The following LRP1B variants were observed in gnomAD, a reference collection of about 807,000 sequenced individuals.
LRP1B encodes low-density lipoprotein receptor-related protein 1B.
A neutral mutation model predicts 556.6 loss-of-function variants in LRP1B; 217 were observed. The ratio of observed to expected loss-of-function variants is 0.39; its 90% confidence interval spans 0.35 to 0.44. The LOEUF (loss-of-function observed/expected upper bound fraction) is 0.44. Ranked by LOEUF, LRP1B falls within the 20% of genes least tolerant of loss-of-function variation. LRP1B has a pLI of 1.00. For synonymous variants in LRP1B, 2,047 were observed against 1,865.8 expected (o/e 1.10, Z -2.50); for missense variants, 5,053 against 5,620.8 (o/e 0.90, Z 3.23).
rs144375723 is a variant in LRP1B at position 140,759,366 on chromosome 2, A to G, written c.5758+9847T>C. 1.9e-3 allele frequency among the ~76,000 whole-genome samples: 287 copies of G among 152,324 alleles called. 1 individual carries two copies. Among genetic ancestry groups the G allele is most frequent in the African/African-American group, 6.6e-3 (275 of 41,572 alleles). On this transcript the variant is annotated intron_variant, in intron 35 of 90. Coordinates refer to ENST00000389484, the MANE Select transcript of LRP1B (RefSeq NM_018557.3). ...CTAGAATTTTATACTAGACGCTGAC[A>G]ATCAAGTTATATTTCTGGTTCCACT...
At chr2:141,789,082 A>T (rs1244898593) in intron 2 of LRP1B, among the ~76,000 whole-genome samples, 2 of 151,978 alleles carry the variant, frequency 1.3e-5, no homozygotes, top group African/African-American at 4.8e-5. Flanking sequence ...TGGTGTTTCT[A>T]GTTCTAGATC....
Position 141,129,382 on chromosome 2 carries a change from T to C in LRP1B, c.1013+59039A>G, listed in dbSNP as rs139507407. On this transcript the variant is annotated intron_variant, in intron 7 of 90. Transcript: ENST00000389484. Reference sequence around the variant, plus strand: ...TCAAGCTCAGAAAGATAAACAGATATGTAAAAAAATTATAAAAATCTTTTG... The same window carrying C: ...TCAAGCTCAGAAAGATAAACAGATACGTAAAAAAATTATAAAAATCTTTTG... Among the ~76,000 whole-genome samples, 108 of 152,178 alleles carry C rather than the reference T, an allele frequency of 7.1e-4. 1 individual carries two copies. Among genetic ancestry groups the C allele is most frequent in the African/African-American group, 2.1e-3 (89 of 41,548 alleles).
At chr2:140,284,301 TC>T (rs1278958800) in intron 84 of LRP1B, among the ~76,000 whole-genome samples, 5 of 99,518 alleles carry the variant, frequency 5.0e-5, no homozygotes, top group African/African-American at 1.1e-4. Flanking sequence ...CTTCCCCCCC[TC>T]CCCCCCAAAA....
At chr2:140,717,819 G>A (rs534545068) in intron 35 of LRP1B, among the ~76,000 whole-genome samples, 1 of 152,068 alleles carries the variant, frequency 6.6e-6, no homozygotes, top group Non-Finnish European at 1.5e-5. Context: ...TTGAGGTTCT[G>A]TTTCAAATGA....
chr2:141,361,908 A>G (rs900954042), intron 3 of LRP1B, among the ~76,000 whole-genome samples: 7 of 152,184 alleles, frequency 4.6e-5, no homozygotes, highest in Non-Finnish European at 1.0e-4. Context: ...GAACCCTAGT[A>G]CACTATCCTT....
chr2:141,226,346 T>C (rs1683249086), intron 6 of LRP1B, among the ~76,000 whole-genome samples: 1 of 152,136 alleles, frequency 6.6e-6, no homozygotes, highest in South Asian at 2.1e-4. Flanking sequence ...GAAGGGCATA[T>C]CTCTCCTGCT....
At chr2:142,092,334 T>C (rs910416121) in intron 1 of LRP1B, among the ~76,000 whole-genome samples, 27 of 81,714 alleles carry the variant, frequency 3.3e-4, no homozygotes, top group African/African-American at 1.1e-3. Context: ...AATTGCTAGT[T>C]TTTGGATTTT....
chr2:141,147,444 G>C (rs1359148088), intron 7 of LRP1B, among the ~76,000 whole-genome samples: 1 of 152,108 alleles, frequency 6.6e-6, no homozygotes, highest in African/African-American at 2.4e-5. Flanking sequence ...TACATAATTT[G>C]TTTATATTCA....
At chr2:141,974,796 G>T (rs550392570) in intron 1 of LRP1B, among the ~76,000 whole-genome samples, 1 of 152,010 alleles carries the variant, frequency 6.6e-6, no homozygotes, top group Non-Finnish European at 1.5e-5. Flanking sequence ...AATTTGAAAT[G>T]ACAGATATTA....
chr2:141,138,470 G>A (rs576359706), intron 7 of LRP1B, among the ~76,000 whole-genome samples: 1 of 151,992 alleles, frequency 6.6e-6, no homozygotes, highest in East Asian at 1.9e-4. Context: ...TAGAAAAGAA[G>A]TGATTTTCAG....
At chr2:141,116,204 T>G (rs1329675108) in intron 7 of LRP1B, among the ~76,000 whole-genome samples, 7 of 152,180 alleles carry the variant, frequency 4.6e-5, no homozygotes, top group Non-Finnish European at 1.0e-4. Context: ...ATTACAGTGA[T>G]TTGTTATTAT....
intron 41 of LRP1B, among the ~76,000 whole-genome samples, chr2:140,608,826 G>A (rs1559002311): frequency 6.6e-6 from 1 of 151,730 alleles, no homozygotes; most frequent in African/African-American, 2.4e-5. Context: ...ACAGTGATTT[G>A]TTTCTTTGTT....
chr2:140,279,859 G>A (rs188423223), intron 84 of LRP1B, among the ~76,000 whole-genome samples: 17 of 151,898 alleles, frequency 1.1e-4, no homozygotes, highest in African/African-American at 2.9e-4. Context: ...CCATCGAGGT[G>A]ACTACTTTAA....
chr2:141,373,272 C>A (rs138308318), intron 3 of LRP1B, among the ~76,000 whole-genome samples: 4 of 152,106 alleles, frequency 2.6e-5, no homozygotes, highest in Admixed American at 6.5e-5. Context: ...AAACTCTAGT[C>A]TATTTTGGAG....
intron 2 of LRP1B, among the ~76,000 whole-genome samples, chr2:141,743,323 ATTAGAT>A (rs1273837175): frequency 6.6e-6 from 1 of 152,074 alleles, no homozygotes; most frequent in Admixed American, 6.6e-5. Context: ...GTGTTGTTGA[ATTAGAT>A]TTGTTAGGAT....
chr2:141,316,787 A>C lies in LRP1B; in HGVS notation c.344-62146T>G, dbSNP rs373147332. Among the ~76,000 whole-genome samples the C allele has an allele frequency of 3.3e-5, 5 of 152,306 alleles. No homozygotes were observed. In the East Asian group the frequency reaches 7.7e-4, roughly 24 times the overall value. The stretch of plus-strand genomic sequence containing the variant: ...TGTGGCTTTCCCGCCATGGGGGGTG[A>C]GGTGGATAAGCACAGCCCCATAGTG... On this transcript the variant is annotated intron_variant, in intron 3 of 90. Coordinates refer to ENST00000389484, the MANE Select transcript of LRP1B (RefSeq NM_018557.3).
rs56704749 is a variant in LRP1B, at chr2:141,510,232, ACACC to A, written c.206-29703_206-29700del. Among the ~76,000 whole-genome samples the A allele has an allele frequency of 1.5e-3, 230 of 149,418 alleles. 2 individuals carry two copies. The highest frequency in any genetic ancestry group is 7.9e-3 in the East Asian group (40 of 5,092). On this transcript the variant is annotated intron_variant, in intron 2 of 90. Transcript: ENST00000389484. ...CACACACACACACACACACACACAC[ACACC>A]CCCCACAGTCATTTGATGATATTTC...
Position 140,444,337 on chromosome 2 carries a change from T to A in LRP1B, c.10287A>T (p.Arg3429Ser), listed in dbSNP as rs1243462236. ...TATTTTGAGGTGACTTACGACAGTC[T>A]CTTTCATCTTCCTCATCACCACAGT... ...QDDCGDEEDERDCPENSCSPD... is the reference protein window; with the variant it reads ...QDDCGDEEDESDCPENSCSPD... The change falls in exon 65 of 91, where the codon AGA becomes AGT. Residue 3429 changes from arginine to serine, a missense_variant. Physicochemically the swap from Arg to Ser is moderately radical, Grantham distance 110. This residue lies in a region of LRP1B where 262 missense variants were observed against 395.1 expected (regional missense o/e 0.66). Transcript: ENST00000389484. The A allele has an allele frequency of 1.2e-6, 2 of 1,613,806 alleles. No individual in the cohort carries two copies. The highest frequency in any genetic ancestry group is 1.7e-6 in the Non-Finnish European group (2 of 1,179,884).
intron 84 of LRP1B, among the ~76,000 whole-genome samples, chr2:140,283,071 A>G (rs1362733742): frequency 3.3e-5 from 5 of 151,800 alleles, no homozygotes; most frequent in African/African-American, 1.2e-4. Context: ...GTGGACTTTC[A>G]TTACCTAGAG....
Sources: allele counts gnomAD v4.1 joint callset (sites outside exome capture counted in the v4.1 genomes callset), GRCh38; gene constraint gnomAD v4.1.1; regional missense constraint gnomAD v4.1.1; transcripts MANE v1.5; gene names NCBI Gene and HGNC (gene_info 2026-07-23, HGNC 2026-07-21).